Variants in IFT140 observed in about 807,000 individuals in gnomAD.
The protein encoded by IFT140 is intraflagellar transport 140.
In IFT140, 133 loss-of-function variants were observed where a neutral mutation model predicts 164.6. The observed-to-expected ratio is 0.81, with a 90% CI of 0.70 to 0.93. IFT140 has a LOEUF of 0.93. IFT140 is among the 40% of genes least tolerant of loss of function. The pLI, the probability that IFT140 is intolerant of heterozygous loss-of-function variation, is 0.00. For missense variants in IFT140, 2,045 were observed against 1,972.3 expected, an observed-to-expected ratio of 1.04 and a Z score of -0.70; for synonymous variants, 860 against 817.3, an observed-to-expected ratio of 1.05 and a Z score of -0.89.
At position 1,523,951 on chromosome 16, in the gene IFT140, G is replaced by A. The variant is rs150129370; in HGVS notation, c.3147C>T (p.Asn1049=). 5.9e-5 allele frequency: 95 copies of A among 1,611,704 alleles called. 1 individual carries two copies. Among genetic ancestry groups the A allele is most frequent in the East Asian group, 5.3e-4 (24 of 44,882 alleles). The part of the protein sequence containing the change: ...FKNAIRLCKE[N]GLDDQLMNLA... ...AGTTCATGAGCTGGTCGTCCAGGCC[G>A]TTCTCCTGCAGGGAGGGAGGCAGGG... The change falls in exon 25 of 31, where the codon AAC becomes AAT. Residue 1049 remains asparagine (N), a synonymous_variant. Coordinates refer to ENST00000426508, the MANE Select transcript of IFT140 (RefSeq NM_014714.4).
chr16:1,602,273 G>T, intron 4 of IFT140, 97 bp downstream of exon 4: 2 of 1,052,562 alleles, frequency 1.9e-6, no homozygotes, highest in Non-Finnish European at 2.9e-6. Flanking sequence ...ACTGAATTTG[G>T]CAACAGCACG....
rs536907151 is a variant in IFT140, at chr16:1,606,046, C to T, written c.147+1074G>A. Among the ~76,000 whole-genome samples, 7 of 152,316 alleles carry T rather than the reference C, an allele frequency of 4.6e-5. No individual in the cohort carries two copies. In the South Asian group the frequency reaches 1.4e-3, roughly 32 times the overall value. ...GCCAGCCAGGGAGCACCAAGGCTTG[C>T]TGGGAACAGCAGGAGCAGGACAGCA... On this transcript the variant is annotated intron_variant, in intron 3 of 30. Coordinates refer to ENST00000426508, the MANE Select transcript of IFT140 (RefSeq NM_014714.4).
rs190276610 is a variant in IFT140, at chr16:1,537,786, G to A, written c.2400-10990C>T. 5.1e-4 allele frequency among the ~76,000 whole-genome samples: 77 copies of A among 152,322 alleles called. 1 individual carries two copies. Among genetic ancestry groups the A allele is most frequent in the African/African-American group, 8.4e-4 (35 of 41,576 alleles). The stretch of plus-strand genomic sequence containing the variant: ...ACAGATGACCGTGTGATTGAATCTC[G>A]AGGCAGGCGAGCCAGAGCCTGGCGC... On this transcript the variant is annotated intron_variant, in intron 19 of 30. Coordinates refer to ENST00000426508, the MANE Select transcript of IFT140 (RefSeq NM_014714.4).
intron 19 of IFT140, chr16:1,532,775 G>A (rs2030639364): frequency 6.6e-6 from 1 of 152,206 alleles, no homozygotes; most frequent in Non-Finnish European, 1.5e-5. Context: ...ACCCTCTCGT[G>A]GTGTCTGCCC....
intron 19 of IFT140, chr16:1,540,687 G>T (rs1443676151): frequency 6.3e-6 from 2 of 319,280 alleles, no homozygotes; most frequent in Non-Finnish European, 9.1e-6. Flanking sequence ...ACCCGCTCCT[G>T]AGTGGTGAGG....
intron 19 of IFT140, chr16:1,534,164 G>A (rs1158525572): frequency 4.3e-6 from 6 of 1,404,566 alleles, no homozygotes; most frequent in Middle Eastern, 5.0e-4. Context: ...CCGCCCCGAG[G>A]ATGAGTGGTG....
chr16:1,539,353 C>T (rs954734313), intron 19 of IFT140, among the ~76,000 whole-genome samples: 4 of 152,222 alleles, frequency 2.6e-5, no homozygotes, highest in African/African-American at 4.8e-5. Flanking sequence ...TGCCGCCCCA[C>T]GCCTTAGGCC....
rs1320584765 is a variant in IFT140 at position 1,533,935 on chromosome 16, C to T, written c.2400-7139G>A. 5 of 361,512 alleles carry T rather than the reference C, an allele frequency of 1.4e-5. No individual in the cohort carries two copies. Among genetic ancestry groups the T allele is most frequent in the South Asian group, 6.5e-5 (2 of 30,556 alleles). The allele number at this position is 361,512 out of a possible 1,614,324, so 22.4% of individuals were successfully genotyped here. A position where few individuals can be genotyped will look rare whatever the true frequency, so the allele number is the denominator to read the frequency against. ...TGACTCTGTTTTCCACTGCTGCAGG[C>T]GAGAAGAGGCACGCGCGGCACAGGC... On this transcript the variant is annotated intron_variant, in intron 19 of 30. Coordinates refer to ENST00000426508, the MANE Select transcript of IFT140 (RefSeq NM_014714.4). This position sits in a 1 kb window ranked among gnomAD's most constrained non-coding sequence, Gnocchi z 4.7.
intron 30 of IFT140, chr16:1,513,331 A>C (rs543436082): frequency 6.6e-6 from 1 of 152,120 alleles, no homozygotes; most frequent in East Asian, 1.9e-4. Context: ...CTACTAAAAA[A>C]TAAATAAATA....
chr16:1,575,150 A>G (rs2034210567), intron 13 of IFT140, among the ~76,000 whole-genome samples: 1 of 151,692 alleles, frequency 6.6e-6, no homozygotes, highest in Non-Finnish European at 1.5e-5. Flanking sequence ...GGGTCACTTC[A>G]GCTTGGTTCA....
At position 1,553,083 on chromosome 16, in the gene IFT140, A is replaced by C. The variant is rs1296748727; in HGVS notation, c.2399+4852T>G. The C allele has an allele frequency of 2.0e-6, 2 of 985,454 alleles. No homozygotes were observed. Among genetic ancestry groups the C allele is most frequent in the Non-Finnish European group, 2.4e-6 (2 of 829,946 alleles). 61.0% of individuals were successfully genotyped at this position (985,454 alleles called of 1,614,324 possible). A position where few individuals can be genotyped will look rare whatever the true frequency, so the allele number is the denominator to read the frequency against. On this transcript the variant is annotated intron_variant, in intron 19 of 30. Transcript: ENST00000426508. This position sits in a 1 kb window ranked among gnomAD's most constrained non-coding sequence, Gnocchi z 4.4. ...GTTCAGGACAAAATGGAGATAGATA[A>C]ATGCTTAATTCATACTTTCTGGAGG... is the stretch of plus-strand genomic sequence containing the variant.
chr16:1,605,240 T>C (rs2035998624), intron 3 of IFT140, among the ~76,000 whole-genome samples: 1 of 152,022 alleles, frequency 6.6e-6, no homozygotes, highest in Admixed American at 6.6e-5. Context: ...TCGGGCATGT[T>C]TCCCAGAGGA....
rs1459658871 is a variant in IFT140 at position 1,587,294 on chromosome 16, T to G, written c.913A>C (p.Ile305Leu). Residue 305 changes from isoleucine to leucine, a missense_variant, in exon 9 of 31, where the codon ATA becomes CTA. By Grantham distance (5) the Ile-to-Leu change is conservative (BLOSUM62 2). Transcript: ENST00000426508. ...AGTATATAATTCTCTCCTCGTTCTATGTCCCAGAATCTACAACAGAAGAAA... is the reference window on the plus strand; with the variant it reads ...AGTATATAATTCTCTCCTCGTTCTAGGTCCCAGAATCTACAACAGAAGAAA... ...VGEAALRFWD[I>L]ERGENYILSP... is the part of the protein sequence containing the mutation. 6.2e-7 allele frequency: 1 copy of G among 1,608,974 alleles called. No individual in the cohort carries two copies. Among genetic ancestry groups the G allele is most frequent in the Non-Finnish European group, 8.5e-7 (1 of 1,175,526 alleles).
At chr16:1,519,476 A>G (rs557052730) in intron 29 of IFT140, among the ~76,000 whole-genome samples, 1 of 152,196 alleles carries the variant, frequency 6.6e-6, no homozygotes, top group African/African-American at 2.4e-5. Context: ...AGCTGGTGGC[A>G]GTTGACCTGT....
At position 1,592,507 on chromosome 16, in the gene IFT140, G is replaced by T; in HGVS notation, c.451C>A (p.His151Asn). 6.2e-7 allele frequency: 1 copy of T among 1,614,248 alleles called. No homozygotes were observed. The highest frequency in any genetic ancestry group is 8.5e-7 in the Non-Finnish European group (1 of 1,180,044). ...AGCCGGAAGATGCAGTGCGTGAGGT[G>T]TTTCCCATACTCGTGTTTCAGCAGA... is the stretch of plus-strand genomic sequence containing the variant. ...TPLLKHEYGK[H>N]LTHCIFRLPP... Residue 151 changes from histidine (H) to asparagine (N), a missense_variant, in exon 5 of 31, where the codon CAC (histidine) becomes AAC (asparagine). Transcript: ENST00000426508.
In IFT140 at chr16:1,589,671, G is replaced by C. The variant is rs753895616; in HGVS notation, c.744C>G (p.Val248=). 1.9e-6 allele frequency: 3 copies of C among 1,614,098 alleles called. No homozygotes were observed. The highest frequency in any genetic ancestry group is 8.5e-7 in the Non-Finnish European group (1 of 1,180,016). The stretch of plus-strand genomic sequence containing the variant: ...ACAGGGACAGCCGGAGGTTCTCTGT[G>C]ACCACCACCAGTGCCTCCCTCTTCT... ...YMEKREALVV[V]TENLRLSLYT... Residue 248 remains valine (V), a synonymous_variant, in exon 7 of 31, where the codon GTC becomes GTG. Transcript: ENST00000426508.
At chr16:1,550,505 G>A (rs893909549) in intron 19 of IFT140, among the ~76,000 whole-genome samples, 3 of 152,266 alleles carry the variant, frequency 2.0e-5, no homozygotes, top group Non-Finnish European at 4.4e-5. Flanking sequence ...AGCAGCGTGT[G>A]ATGCTGGCCA....
Position 1,592,228 on chromosome 16 carries a change from CA to C in IFT140, c.581del (p.Leu194CysfsTer2), listed in dbSNP as rs1410044511. The C allele has an allele frequency of 6.2e-6, 10 of 1,614,104 alleles. No homozygotes were observed. The highest frequency in any genetic ancestry group is 1.3e-5 in the African/African-American group (1 of 74,952). The part of the protein sequence containing the change: ...FNWKKSSSGS[L>X]LKMGSHEGLL... ...GCCCCTCGTGAGACCCCATCTTCAGCAAACTTCCAGAACTGCTCTTCTTCCA... is the reference window on the plus strand; with the variant it reads ...GCCCCTCGTGAGACCCCATCTTCAGCAACTTCCAGAACTGCTCTTCTTCCA... On this transcript the variant is annotated frameshift_variant, in exon 6 of 31. Coordinates refer to ENST00000426508, the MANE Select transcript of IFT140 (RefSeq NM_014714.4). LOFTEE classifies it high-confidence loss of function.
At chr16:1,528,721 CCCG>C (rs1351468620) in intron 19 of IFT140, 4 of 153,010 alleles carry the variant, frequency 2.6e-5, no homozygotes, top group African/African-American at 9.6e-5. Flanking sequence ...CTGCAGCCTC[CCCG>C]CTGGCACGGT....
Sources: gnomAD v4.1 joint callset for allele counts (sites outside exome capture counted in the v4.1 genomes callset) on GRCh38, gnomAD v4.1.1 for gene constraint, Gnocchi (gnomAD v3.1) non-coding constraint, MANE v1.5 for transcripts, NCBI Gene and HGNC (gene_info 2026-07-23, HGNC 2026-07-21) for gene names.